NLGN4X: variants seen among roughly 807,000 people sequenced by gnomAD.
NLGN4X encodes the protein neuroligin 4 X-linked.
NLGN4X carries 3 observed loss-of-function variants against 40.3 expected under a neutral mutation model. The observed-to-expected ratio is 0.07, with a 90% CI of 0.03 to 0.19. NLGN4X has a LOEUF of 0.19. Among genes scored for constraint, NLGN4X ranks in the 10% least tolerant of loss-of-function variants. NLGN4X has a pLI of 1.00. For synonymous variants in NLGN4X, 270 were observed against 306.8 expected (o/e 0.88, Z 1.25); for missense variants, 382 against 708.3 (o/e 0.54, Z 5.23).
At chrX:5,920,457 A>C (rs940563609) in intron 3 of NLGN4X, among the ~76,000 whole-genome samples, 3 of 112,267 alleles carry the variant, frequency 2.7e-5, no homozygotes, top group African/African-American at 9.7e-5. Context: ...GAAGAAGTCC[A>C]CTGCAGTTGT....
chrX:6,103,404 G>T (rs2038961199), intron 2 of NLGN4X, among the ~76,000 whole-genome samples: 1 of 111,799 alleles, frequency 8.9e-6, no homozygotes, highest in Non-Finnish European at 1.9e-5. Context: ...TTTTTAGAGG[G>T]TAAAAAATAC....
intron 2 of NLGN4X, among the ~76,000 whole-genome samples, chrX:6,082,977 T>TTTTTTTA (rs1569227473): frequency 1.2e-5 from 1 of 85,675 alleles, no homozygotes; most frequent in Non-Finnish European, 2.2e-5. Flanking sequence ...TTTTTTTTTT[T>TTTTTTTA]GAGACGGAGT....
chrX:6,014,466 T>C (rs2036338717), intron 3 of NLGN4X, among the ~76,000 whole-genome samples: 1 of 111,684 alleles, frequency 9.0e-6, no homozygotes, highest in African/African-American at 3.3e-5. Context: ...AGAGTTAACA[T>C]TAGAGTTATA....
At chrX:6,009,679 G>A (rs186548290) in intron 3 of NLGN4X, among the ~76,000 whole-genome samples, 2 of 112,362 alleles carry the variant, frequency 1.8e-5, no homozygotes, top group African/African-American at 6.5e-5. Flanking sequence ...AAGATGGAAC[G>A]AGTCATAGAT....
In NLGN4X at chrX:5,892,506, A is replaced by C. The variant is rs1167995419; in HGVS notation, c.*311T>G. On this transcript the variant is annotated 3_prime_UTR_variant, in exon 6 of 6. Transcript: ENST00000381095. Reference sequence around the variant, plus strand: ...CGTTGGAAACACCCGGGGCCTTGAAATGGTGATGTCCTATCACACTAAACA... The same window carrying C: ...CGTTGGAAACACCCGGGGCCTTGAACTGGTGATGTCCTATCACACTAAACA... 3.5e-6 allele frequency: 1 copy of C among 284,062 alleles called. No individual in the cohort carries two copies. Among genetic ancestry groups the C allele is most frequent in the Admixed American group, 5.2e-5 (1 of 19,228 alleles). 23.4% of individuals were successfully genotyped at this position (284,062 alleles called of 1,213,427 possible). A position where few individuals can be genotyped will look rare whatever the true frequency, so the allele number is the denominator to read the frequency against.
chrX:5,896,793 C>T (rs186493124), intron 5 of NLGN4X, among the ~76,000 whole-genome samples: 1 of 111,955 alleles, frequency 8.9e-6, no homozygotes, highest in Admixed American at 9.5e-5. Context: ...CGATTATTAC[C>T]GGACTAGTTT....
intron 1 of NLGN4X, among the ~76,000 whole-genome samples, chrX:6,222,357 T>C (rs1193206071): frequency 9.0e-6 from 1 of 111,392 alleles, no homozygotes; most frequent in Admixed American, 9.5e-5. Context: ...ATCACCGATA[T>C]TAACAGGTGG....
chrX:6,026,579 G>A (rs1314419965), intron 3 of NLGN4X, among the ~76,000 whole-genome samples: 35 of 111,730 alleles, frequency 3.1e-4, no homozygotes, highest in Admixed American at 2.8e-3. Context: ...AAAAACCAAC[G>A]CAGTCACATT....
At chrX:6,175,836 C>G (rs2040721927) in intron 1 of NLGN4X, among the ~76,000 whole-genome samples, 1 of 110,134 alleles carries the variant, frequency 9.1e-6, no homozygotes, top group Non-Finnish European at 1.9e-5. Flanking sequence ...GATCCAAGCC[C>G]CCACTCTTTC....
At position 6,057,086 on chromosome X, in the gene NLGN4X, T is replaced by C. The variant is rs768824796; in HGVS notation, c.473-27654A>G. On this transcript the variant is annotated intron_variant, in intron 2 of 5. Transcript: ENST00000381095. ...TAGCATGAAAGAGGTACGTTGTCAATGGTGCCAATTTGAAACCTCAATGTG... is the reference window on the plus strand; with the variant it reads ...TAGCATGAAAGAGGTACGTTGTCAACGGTGCCAATTTGAAACCTCAATGTG... Among the ~76,000 whole-genome samples the C allele has an allele frequency of 2.2e-3, 250 of 112,218 alleles. 2 individuals carry two copies. Among genetic ancestry groups the C allele is most frequent in the Non-Finnish European group, 3.9e-3 (206 of 53,314 alleles).
At chrX:5,939,029 A>C (rs1010270468) in intron 3 of NLGN4X, among the ~76,000 whole-genome samples, 1 of 108,731 alleles carries the variant, frequency 9.2e-6, no homozygotes, top group Non-Finnish European at 1.9e-5. Context: ...TTGGTTTTGC[A>C]TTATCCAGCT....
intron 3 of NLGN4X, among the ~76,000 whole-genome samples, chrX:5,936,567 C>G (rs767479991): frequency 1.8e-5 from 2 of 111,697 alleles, no homozygotes; most frequent in African/African-American, 6.5e-5. Flanking sequence ...CAGGAATGAA[C>G]ACGTGGGAGT....
chrX:6,136,441 T>C (rs1054048486), intron 2 of NLGN4X, among the ~76,000 whole-genome samples: 2 of 111,749 alleles, frequency 1.8e-5, no homozygotes, highest in African/African-American at 6.5e-5. Flanking sequence ...GCTGAATAAC[T>C]GAGGAAGGTT....
At chrX:5,987,347 A>G (rs2035558310) in intron 3 of NLGN4X, among the ~76,000 whole-genome samples, 1 of 112,800 alleles carries the variant, frequency 8.9e-6, no homozygotes, top group African/African-American at 3.2e-5. Context: ...GTAAAAGGGA[A>G]TAATGGTTAT....
At chrX:6,207,868 T>C (rs1195482568) in intron 1 of NLGN4X, among the ~76,000 whole-genome samples, 2 of 112,260 alleles carry the variant, frequency 1.8e-5, no homozygotes, top group Non-Finnish European at 3.8e-5. Context: ...AGGTCACTTA[T>C]GACAAATGTT....
chrX:6,167,032 A>G (rs951534671), intron 1 of NLGN4X, among the ~76,000 whole-genome samples: 1 of 100,758 alleles, frequency 9.9e-6, no homozygotes, highest in East Asian at 3.0e-4. Context: ...TGATCGCACC[A>G]CTACACTTCA....
chrX:5,934,864 A>G (rs1019758739), intron 3 of NLGN4X, among the ~76,000 whole-genome samples: 1 of 112,497 alleles, frequency 8.9e-6, no homozygotes, highest in Non-Finnish European at 1.9e-5. Flanking sequence ...AATGTAGTCC[A>G]CAAATCAAGG....
At chrX:5,996,841 C>T (rs572416032) in intron 3 of NLGN4X, among the ~76,000 whole-genome samples, 1 of 110,976 alleles carries the variant, frequency 9.0e-6, no homozygotes, top group African/African-American at 3.3e-5. Flanking sequence ...AAGTGATCCG[C>T]CGGCCTCGGC....
intron 3 of NLGN4X, among the ~76,000 whole-genome samples, chrX:5,921,391 C>CAGAGAGAG (rs56879029): frequency 0.11 from 5,795 of 52,885 alleles, 437 homozygotes; most frequent in Non-Finnish European, 0.13. Flanking sequence ...GAAAATGAAC[C>CAGAGAGAG]AGAGAGAGAG....
Sources: gnomAD v4.1 joint callset for allele counts (sites outside exome capture counted in the v4.1 genomes callset) on GRCh38, gnomAD v4.1.1 for gene constraint, MANE v1.5 for transcripts, NCBI Gene and HGNC (gene_info 2026-07-23, HGNC 2026-07-21) for gene names.